Variants in NMU observed in about 807,000 individuals in gnomAD.
The protein encoded by NMU is neuromedin U.
In NMU, 29 loss-of-function variants were observed where a neutral mutation model predicts 35.4. The ratio of observed to expected loss-of-function variants is 0.82; its 90% CI spans 0.61 to 1.12. NMU has a LOEUF of 1.12. Ranked by LOEUF, NMU falls within the 50% of genes most tolerant of loss-of-function variation. NMU has a pLI of 0.00. For synonymous variants in NMU, 78 were observed against 81.3 expected, an observed-to-expected ratio of 0.96 and a Z score of 0.22; for missense variants, 199 against 206.2, an observed-to-expected ratio of 0.97 and a Z score of 0.21.
intron 9 of NMU, among the ~76,000 whole-genome samples, chr4:55,595,775 G>A (rs1733158331): frequency 6.6e-6 from 1 of 151,254 alleles, no homozygotes; most frequent in Non-Finnish European, 1.5e-5. Context: ...TGAGTAGCTG[G>A]TATTACAGAA....
intron 7 of NMU, 120 bp downstream of exon 7, chr4:55,605,155 G>T: frequency 1.3e-6 from 1 of 774,448 alleles, no homozygotes; most frequent in African/African-American, 1.7e-5. Flanking sequence ...TTGGCTAACT[G>T]GGTATTAGTG....
At chr4:55,616,456 G>T in intron 2 of NMU, 71 bp from the exon 3 acceptor site, 1 of 1,150,724 alleles carries the variant, frequency 8.7e-7, no homozygotes, top group Non-Finnish European at 1.3e-6. Context: ...ATTTTACAAA[G>T]TCACATTACC....
chr4:55,609,348 A>C (rs902885430), intron 3 of NMU, among the ~76,000 whole-genome samples, 169 bp from the exon 4 acceptor site: 3 of 151,812 alleles, frequency 2.0e-5, no homozygotes, highest in African/African-American at 7.3e-5. Context: ...TCACAACAAA[A>C]ACTTGGCTGT....
intron 6 of NMU, among the ~76,000 whole-genome samples, chr4:55,605,985 T>A (rs1039659812): frequency 6.6e-6 from 1 of 152,230 alleles, no homozygotes; most frequent in African/African-American, 2.4e-5. Context: ...CTGCATTTTT[T>A]AAAAAGGTAT....
At position 55,599,213 on chromosome 4, in the gene NMU, G is replaced by T. The variant is rs771495138; in HGVS notation, c.490-32C>A. 3 of 1,549,004 alleles carry T rather than the reference G, an allele frequency of 1.9e-6. No homozygotes were observed. The Admixed American group carries it at 5.0e-5, about 26-fold the overall frequency. On this transcript the variant is annotated intron_variant, in intron 8 of 9. Coordinates refer to ENST00000264218, the MANE Select transcript of NMU (RefSeq NM_006681.4). Reference sequence around the variant, plus strand: ...AATAATAGATTAGAAATAAATCAGTGTAACTAAAGATGCAAGCTAACAGTC... The same window carrying T: ...AATAATAGATTAGAAATAAATCAGTTTAACTAAAGATGCAAGCTAACAGTC...
At chr4:55,605,705 C>T (rs935029667) in intron 6 of NMU, among the ~76,000 whole-genome samples, 6 of 152,188 alleles carry the variant, frequency 3.9e-5, no homozygotes, top group African/African-American at 9.7e-5. Context: ...CAAAATAATT[C>T]GGACCAGGCG....
rs116245015 is a variant in NMU, at chr4:55,613,649, G to A, written c.219+2689C>T. On this transcript the variant is annotated intron_variant, in intron 3 of 9. Transcript: ENST00000264218. Reference sequence around the variant, plus strand: ...GCCTTTATGCAGTCAGTCCCCTAACGCAGACACTGAGTGTGGCCCCCCACA... The same window carrying A: ...GCCTTTATGCAGTCAGTCCCCTAACACAGACACTGAGTGTGGCCCCCCACA... Among the ~76,000 whole-genome samples, 1,368 of 152,048 alleles carry A rather than the reference G, an allele frequency of 9.0e-3. 27 individuals are homozygous for A. Among genetic ancestry groups the A allele is most frequent in the African/African-American group, 0.032 (1,316 of 41,468 alleles).
At chr4:55,634,704 C>T (rs1715804688) in intron 1 of NMU, among the ~76,000 whole-genome samples, 1 of 152,178 alleles carries the variant, frequency 6.6e-6, no homozygotes, top group South Asian at 2.1e-4. Flanking sequence ...AGATTACCAT[C>T]CTAAGTTACC....
intron 1 of NMU, among the ~76,000 whole-genome samples, chr4:55,634,245 G>A (rs917269407): frequency 6.6e-6 from 1 of 152,060 alleles, no homozygotes; most frequent in East Asian, 1.9e-4. Flanking sequence ...CAGATCACAT[G>A]GCTATTCACC....
At chr4:55,618,801 C>T in intron 2 of NMU, among the ~76,000 whole-genome samples, 1 of 145,048 alleles carries the variant, frequency 6.9e-6, no homozygotes, top group African/African-American at 2.5e-5. Flanking sequence ...TTCTTCTCTT[C>T]CTTTTCTTCT....
intron 9 of NMU, among the ~76,000 whole-genome samples, chr4:55,595,644 T>TA (rs1491159315): frequency 0.047 from 2,542 of 53,588 alleles, 58 homozygotes; most frequent in African/African-American, 0.18. Context: ...TATATATATA[T>TA]TTTTTTTTTT....
chr4:55,607,178 C>A, intron 6 of NMU, 120 bp downstream of exon 6: 1 of 669,864 alleles, frequency 1.5e-6, no homozygotes, highest in South Asian at 1.8e-5. Flanking sequence ...TTCCTTTACT[C>A]ACATATAAAC....
intron 2 of NMU, among the ~76,000 whole-genome samples, chr4:55,627,712 AT>A (rs370261400): frequency 1.7e-3 from 253 of 152,322 alleles, no homozygotes; most frequent in African/African-American, 5.4e-3. Flanking sequence ...TTGGTATTAT[AT>A]CCAAAATCCA....
At chr4:55,600,459 A>C in intron 8 of NMU, 63 bp downstream of exon 8, 1 of 1,069,596 alleles carries the variant, frequency 9.3e-7, no homozygotes, top group East Asian at 2.4e-5. Context: ...AGTTAAATAC[A>C]CAGGGAACAT....
intron 9 of NMU, among the ~76,000 whole-genome samples, chr4:55,597,909 T>C (rs1733257573): frequency 6.6e-6 from 1 of 151,602 alleles, no homozygotes; most frequent in East Asian, 1.9e-4. Flanking sequence ...GATTTTATCC[T>C]TTTTCTTGAT....
chr4:55,605,808 A>G (rs1733662815), intron 6 of NMU, among the ~76,000 whole-genome samples: 2 of 152,242 alleles, frequency 1.3e-5, no homozygotes, highest in African/African-American at 2.4e-5. Flanking sequence ...TTTATAAATT[A>G]TATACTTAAA....
In NMU at chr4:55,605,281, T is replaced by C. The variant is rs1217583943; in HGVS notation, c.429A>G (p.Arg143=). The change falls in exon 7 of 10, where the codon AGA becomes AGG. Residue 143 remains arginine (R), a synonymous_variant. Coordinates refer to ENST00000264218, the MANE Select transcript of NMU (RefSeq NM_006681.4). ...HLHERRMKRF[R]VDEEFQSPFA... ...TGCAGTTTGTATTACATACGTCCAC[T>C]CTGAATCTCTTCATTCTTCTCTCAT... The C allele has an allele frequency of 6.2e-7, 1 of 1,610,928 alleles. No individual in the cohort carries two copies. The highest frequency in any genetic ancestry group is 8.5e-7 in the Non-Finnish European group (1 of 1,177,058).
intron 2 of NMU, among the ~76,000 whole-genome samples, chr4:55,628,248 T>C (rs1302816631): frequency 6.6e-6 from 1 of 152,226 alleles, no homozygotes; most frequent in Non-Finnish European, 1.5e-5. Context: ...TTTAGTGTAT[T>C]TACAGAGTTG....
intron 1 of NMU, among the ~76,000 whole-genome samples, chr4:55,635,531 C>G (rs1715860004): frequency 6.6e-6 from 1 of 152,184 alleles, no homozygotes; most frequent in African/African-American, 2.4e-5. Context: ...AAGCCCACTC[C>G]TTCCCTTCTA....
Sources: allele counts gnomAD v4.1 joint callset (sites outside exome capture counted in the v4.1 genomes callset), GRCh38; gene constraint gnomAD v4.1.1; transcripts MANE v1.5; gene names NCBI Gene and HGNC (gene_info 2026-07-23, HGNC 2026-07-21).